The following R3HDM1 variants were observed in gnomAD, a reference collection of about 807,000 sequenced individuals.
R3HDM1 encodes the protein R3H domain-containing protein 1.
R3HDM1 carries 46 observed loss-of-function variants against 141.1 expected under a neutral mutation model. The observed-to-expected ratio is 0.33, with a 90% CI of 0.26 to 0.42. The LOEUF is 0.42. R3HDM1 is among the 10% of genes least tolerant of loss of function. R3HDM1 has a pLI of 1.00. For synonymous variants in R3HDM1, 435 were observed against 472.9 expected, an observed-to-expected ratio of 0.92 and a Z score of 1.04; for missense variants, 1,184 against 1,368.3, an observed-to-expected ratio of 0.87 and a Z score of 2.12.
intron 21 of R3HDM1, among the ~76,000 whole-genome samples, chr2:135,707,240 A>G (rs1257730826): frequency 6.6e-6 from 1 of 152,230 alleles, no homozygotes; most frequent in Non-Finnish European, 1.5e-5. Flanking sequence ...AAACTTGTGA[A>G]ATTACTATAG....
chr2:135,625,346 G>A (rs2061904280), intron 7 of R3HDM1, among the ~76,000 whole-genome samples: 1 of 152,118 alleles, frequency 6.6e-6, no homozygotes, highest in Non-Finnish European at 1.5e-5. Context: ...TTGGGAGGCT[G>A]AAGCAGGAGA....
intron 1 of R3HDM1, chr2:135,586,989 G>A: frequency 4.1e-6 from 4 of 984,932 alleles, no homozygotes; most frequent in Non-Finnish European, 4.8e-6. Context: ...CAAAACTCAT[G>A]GTAACGGTTT....
chr2:135,715,826 G>A (rs2076105099), intron 24 of R3HDM1, 132 bp downstream of exon 24: 1 of 1,116,272 alleles, frequency 9.0e-7, no homozygotes. Context: ...ACTCAGGCAT[G>A]TCTATTTGTG....
chr2:135,715,494 A>G, intron 23 of R3HDM1, 56 bp from the exon 24 acceptor site: 1 of 1,561,792 alleles, frequency 6.4e-7, no homozygotes. Flanking sequence ...CAGGAAGAAT[A>G]AAAAATAAGC....
At chr2:135,570,853 C>T (rs967841663) in intron 1 of R3HDM1, among the ~76,000 whole-genome samples, 1 of 152,096 alleles carries the variant, frequency 6.6e-6, no homozygotes, top group African/African-American at 2.4e-5. Flanking sequence ...AAACTATTTT[C>T]GTTTTTAAAA....
chr2:135,589,458 C>A (rs72988442), intron 1 of R3HDM1, among the ~76,000 whole-genome samples: 20 of 152,202 alleles, frequency 1.3e-4, no homozygotes, highest in Non-Finnish European at 2.9e-4. Flanking sequence ...GAAACAGAAC[C>A]AACAAAATCA....
intron 19 of R3HDM1, 144 bp from the exon 20 acceptor site, chr2:135,675,188 T>C (rs2105341978): frequency 1.3e-6 from 1 of 791,884 alleles, no homozygotes; most frequent in Non-Finnish European, 1.9e-6. Flanking sequence ...TAAAATGTTA[T>C]TTCATAATAG....
At chr2:135,693,079 C>G (rs957133318) in intron 21 of R3HDM1, among the ~76,000 whole-genome samples, 3 of 152,068 alleles carry the variant, frequency 2.0e-5, no homozygotes, top group African/African-American at 7.2e-5. Flanking sequence ...ATTGTGGATT[C>G]TATTTAGGTA....
chr2:135,541,317 C>T (rs1218019268), intron 1 of R3HDM1, among the ~76,000 whole-genome samples: 1 of 152,132 alleles, frequency 6.6e-6, no homozygotes, highest in Non-Finnish European at 1.5e-5. Context: ...ACATCATTCT[C>T]CTGCCTCAGC....
chr2:135,612,540 A>G (rs1014333572), intron 3 of R3HDM1, among the ~76,000 whole-genome samples: 8 of 152,166 alleles, frequency 5.3e-5, no homozygotes, highest in Non-Finnish European at 1.0e-4. Flanking sequence ...ATTAGTATCA[A>G]TTTCAAACTG....
intron 1 of R3HDM1, among the ~76,000 whole-genome samples, chr2:135,552,209 G>A (rs79926648): frequency 0.094 from 14,160 of 151,392 alleles, 912 homozygotes; most frequent in South Asian, 0.32. Flanking sequence ...TGGGGGGTGC[G>A]GGGAGGGACA....
intron 18 of R3HDM1, among the ~76,000 whole-genome samples, chr2:135,654,561 G>A (rs866388288): frequency 6.6e-6 from 1 of 152,058 alleles, no homozygotes; most frequent in African/African-American, 2.4e-5. Flanking sequence ...CAATTCTCCT[G>A]CCTCAGCCCC....
At chr2:135,537,365 A>C (rs1204069836) in intron 1 of R3HDM1, among the ~76,000 whole-genome samples, 1 of 138,490 alleles carries the variant, frequency 7.2e-6, no homozygotes, top group Non-Finnish European at 1.5e-5. Context: ...GGCCTACTGC[A>C]ACCTCCACCT....
At chr2:135,667,407 T>A (rs989060866) in intron 19 of R3HDM1, among the ~76,000 whole-genome samples, 1 of 137,630 alleles carries the variant, frequency 7.3e-6, no homozygotes, top group Non-Finnish European at 1.5e-5. Context: ...AAAAAAAAAA[T>A]CTATGTTGAG....
chr2:135,606,784 A>AG (rs925513265), intron 3 of R3HDM1: 5 of 151,656 alleles, frequency 3.3e-5, no homozygotes, highest in African/African-American at 1.2e-4. Flanking sequence ...AATTAAAAAA[A>AG]AAAGTTTAAC....
chr2:135,539,098 T>A (rs1219789495), intron 1 of R3HDM1, among the ~76,000 whole-genome samples: 1 of 152,228 alleles, frequency 6.6e-6, no homozygotes, highest in Non-Finnish European at 1.5e-5. Flanking sequence ...CACATGACTC[T>A]GTCATCTTGA....
chr2:135,601,935 TA>T (rs1156309272), intron 1 of R3HDM1, among the ~76,000 whole-genome samples: 1 of 151,626 alleles, frequency 6.6e-6, no homozygotes, highest in Non-Finnish European at 1.5e-5. Flanking sequence ...GTGCTGGGAT[TA>T]TAGGCACAAG....
At chr2:135,597,381 A>G (rs2059279422) in intron 1 of R3HDM1, 1 of 651,662 alleles carries the variant, frequency 1.5e-6, no homozygotes, top group Admixed American at 6.3e-5. Flanking sequence ...AATCACATGC[A>G]CATTTAACAT....
chr2:135,664,800 T>A (rs1197366210), intron 19 of R3HDM1, among the ~76,000 whole-genome samples: 3 of 152,208 alleles, frequency 2.0e-5, no homozygotes, highest in Admixed American at 6.5e-5. Flanking sequence ...AAACCCTGGC[T>A]ACACACATAA....
Sources: gnomAD v4.1 joint callset for allele counts (sites outside exome capture counted in the v4.1 genomes callset) on GRCh38, gnomAD v4.1.1 for gene constraint, MANE v1.5 for transcripts, NCBI Gene and HGNC (gene_info 2026-07-23, HGNC 2026-07-21) for gene names.